The following BRMS1L variants were observed in gnomAD, a reference collection of about 807,000 sequenced individuals.
BRMS1L encodes BRMS1 like transcriptional repressor.
In BRMS1L, 23 loss-of-function variants were observed where a neutral mutation model predicts 50.3. The ratio of observed to expected loss-of-function variants is 0.46; its 90% CI spans 0.33 to 0.65. The LOEUF (loss-of-function observed/expected upper bound fraction) is 0.65, where lower values mean the gene tolerates loss of function less well. Among genes scored for constraint, BRMS1L ranks in the 30% least tolerant of loss-of-function variants. The probability of loss-of-function intolerance (pLI) is 0.02; values close to 1 mark genes in which losing one functional copy is unlikely to be tolerated. For synonymous variants in BRMS1L, 114 were observed against 126.9 expected, an observed-to-expected ratio of 0.90 and a Z score of 0.69; for missense variants, 286 against 386.1, an observed-to-expected ratio of 0.74 and a Z score of 2.17.
chr14:35,867,754 A>G, intron 8 of BRMS1L, 152 bp from the exon 9 acceptor site: 2 of 616,812 alleles, frequency 3.2e-6, no homozygotes, highest in Non-Finnish European at 4.8e-6. Context: ...TAAGGAATAA[A>G]TCTTTTTATT....
chr14:35,860,642 A>G (rs2142060294), intron 4 of BRMS1L, among the ~76,000 whole-genome samples: 1 of 152,146 alleles, frequency 6.6e-6, no homozygotes, highest in Admixed American at 6.5e-5. Context: ...ATAGCCTATG[A>G]AAATCTTCCA....
intron 1 of BRMS1L, among the ~76,000 whole-genome samples, chr14:35,830,866 G>A (rs751983009): frequency 2.0e-5 from 3 of 151,490 alleles, no homozygotes; most frequent in Non-Finnish European, 1.5e-5. Flanking sequence ...ATTTAAAAAT[G>A]AATAAAAGTA....
chr14:35,842,822 C>T (rs1283262267), intron 4 of BRMS1L, among the ~76,000 whole-genome samples: 2 of 152,158 alleles, frequency 1.3e-5, no homozygotes, highest in Non-Finnish European at 2.9e-5. Flanking sequence ...GCCAGTCAAA[C>T]GTAGGTTTGG....
chr14:35,848,263 G>A (rs1315567721), intron 4 of BRMS1L, among the ~76,000 whole-genome samples: 3 of 152,134 alleles, frequency 2.0e-5, no homozygotes, highest in Non-Finnish European at 4.4e-5. Context: ...GTCACCTCAC[G>A]TACCATTTGT....
chr14:35,854,212 G>C (rs1465043418), intron 4 of BRMS1L, among the ~76,000 whole-genome samples: 2 of 152,052 alleles, frequency 1.3e-5, no homozygotes, highest in Non-Finnish European at 2.9e-5. Flanking sequence ...GCTTCTTAAA[G>C]AACATCCTAG....
intron 4 of BRMS1L, among the ~76,000 whole-genome samples, chr14:35,859,187 G>T (rs568587979): frequency 3.5e-4 from 53 of 152,002 alleles, no homozygotes; most frequent in Non-Finnish European, 6.5e-4. Flanking sequence ...CAAGTGATCC[G>T]CCAGCCTCAG....
chr14:35,864,893 A>G, intron 6 of BRMS1L, 42 bp from the exon 7 acceptor site: 1 of 1,292,346 alleles, frequency 7.7e-7, no homozygotes, highest in Non-Finnish European at 1.1e-6. Context: ...TATAATTCAA[A>G]GTGTGATATT....
At chr14:35,839,916 A>G (rs912348124) in intron 4 of BRMS1L, among the ~76,000 whole-genome samples, 2 of 152,104 alleles carry the variant, frequency 1.3e-5, no homozygotes, top group African/African-American at 4.8e-5. Flanking sequence ...GTCGAATACG[A>G]GTGGTGAGAG....
At chr14:35,853,287 G>A (rs1330248144) in intron 4 of BRMS1L, among the ~76,000 whole-genome samples, 3 of 151,134 alleles carry the variant, frequency 2.0e-5, no homozygotes, top group African/African-American at 7.3e-5. Flanking sequence ...TTTTTAAATA[G>A]CATATATCTT....
intron 4 of BRMS1L, among the ~76,000 whole-genome samples, chr14:35,861,443 C>G (rs112829849): frequency 2.6e-5 from 4 of 152,206 alleles, no homozygotes; most frequent in African/African-American, 9.6e-5. Context: ...CCCTTTTTCT[C>G]TGATATTTTC....
intron 4 of BRMS1L, among the ~76,000 whole-genome samples, chr14:35,856,001 G>A (rs745397966): frequency 7.9e-5 from 12 of 152,120 alleles, no homozygotes; most frequent in Non-Finnish European, 1.5e-4. Context: ...TAATCTGAAT[G>A]TCATTATTCA....
Position 35,870,396 on chromosome 14 carries a change from G to A in BRMS1L, c.891G>A (p.Trp297Ter). The change falls in exon 10 of 10, where the codon TGG (tryptophan) becomes TGA (stop). Residue 297 changes from tryptophan to a stop codon, truncating the protein, a stop_gained. Transcript: ENST00000216807. LOFTEE classifies it high-confidence loss of function. ...VITTINHDEV[W>*]FKRPDGSKSK... is the part of the protein sequence containing the mutation. ...CAACAATTAACCATGATGAAGTTTG[G>A]TTTAAGAGGCCTGATGGAAGCAAAT... is the stretch of plus-strand genomic sequence containing the variant. 6.2e-7 allele frequency: 1 copy of A among 1,607,026 alleles called. No homozygotes were observed.
At chr14:35,863,753 C>T (rs2078383445) in intron 5 of BRMS1L, 117 bp from the exon 6 acceptor site, 3 of 802,362 alleles carry the variant, frequency 3.7e-6, no homozygotes, top group Non-Finnish European at 6.1e-6. Context: ...TACCCAGCTG[C>T]CAATGAAGTT....
At chr14:35,830,940 G>T (rs2077912092) in intron 1 of BRMS1L, among the ~76,000 whole-genome samples, 1 of 147,082 alleles carries the variant, frequency 6.8e-6, no homozygotes. Context: ...ATCTATAGTG[G>T]ATTTTTTTTT....
At chr14:35,847,702 G>A (rs79493448) in intron 4 of BRMS1L, among the ~76,000 whole-genome samples, 33 of 152,290 alleles carry the variant, frequency 2.2e-4, no homozygotes, top group African/African-American at 7.9e-4. Context: ...CTTTATACCT[G>A]TTGAATAGCA....
At chr14:35,849,200 A>G (rs1057177753) in intron 4 of BRMS1L, among the ~76,000 whole-genome samples, 3 of 152,148 alleles carry the variant, frequency 2.0e-5, no homozygotes, top group African/African-American at 7.2e-5. Flanking sequence ...ACTGTTTTCC[A>G]TAATGGCTGT....
intron 4 of BRMS1L, among the ~76,000 whole-genome samples, chr14:35,858,370 C>A (rs1452962803): frequency 6.6e-6 from 1 of 152,172 alleles, no homozygotes; most frequent in Non-Finnish European, 1.5e-5. Context: ...TCTTTACCAG[C>A]AACCTGGATG....
intron 4 of BRMS1L, among the ~76,000 whole-genome samples, chr14:35,850,844 T>C (rs2078202597): frequency 6.6e-6 from 1 of 152,232 alleles, no homozygotes; most frequent in African/African-American, 2.4e-5. Flanking sequence ...TTAACATTGA[T>C]TTAATAATCT....
chr14:35,827,593 A>T (rs1021499272), intron 1 of BRMS1L, among the ~76,000 whole-genome samples: 3 of 152,218 alleles, frequency 2.0e-5, no homozygotes, highest in African/African-American at 7.2e-5. Context: ...TATAATTTCA[A>T]TCAGTAAATC....
Sources: gnomAD v4.1 joint callset for allele counts (sites outside exome capture counted in the v4.1 genomes callset) on GRCh38, gnomAD v4.1.1 for gene constraint, MANE v1.5 for transcripts, NCBI Gene and HGNC (gene_info 2026-07-23, HGNC 2026-07-21) for gene names.